UGT8: variants seen among roughly 807,000 people sequenced by gnomAD.
UGT8 encodes the protein UDP glycosyltransferase 8, also known as 2-hydroxyacylsphingosine 1-beta-galactosyltransferase.
UGT8 carries 12 observed loss-of-function variants against 40.5 expected under a neutral mutation model. The ratio of observed to expected loss-of-function variants is 0.30; its 90% CI spans 0.19 to 0.48. The LOEUF is 0.48. Among genes scored for constraint, UGT8 ranks in the 20% least tolerant of loss-of-function variants. The pLI is 0.99. For missense variants in UGT8, 513 were observed against 648.7 expected (o/e 0.79, Z 2.27); for synonymous variants, 224 against 240.4 (o/e 0.93, Z 0.63).
chr4:114,628,076 G>A (rs1448552564), intron 2 of UGT8, among the ~76,000 whole-genome samples: 1 of 152,044 alleles, frequency 6.6e-6, no homozygotes, highest in African/African-American at 2.4e-5. Context: ...TTCTAAATTT[G>A]TGTCTGTATA....
chr4:114,610,028 A>G (rs939426073), intron 1 of UGT8, among the ~76,000 whole-genome samples: 1 of 152,236 alleles, frequency 6.6e-6, no homozygotes, highest in Non-Finnish European at 1.5e-5. Context: ...AAAGTTTAAT[A>G]AAGTCATGAC....
At chr4:114,634,583 A>G (rs185516601) in intron 2 of UGT8, among the ~76,000 whole-genome samples, 29 of 152,322 alleles carry the variant, frequency 1.9e-4, no homozygotes, top group Admixed American at 1.8e-3. Flanking sequence ...GGGTATGTAT[A>G]CCTGTGGTCC....
chr4:114,658,326 C>A (rs1047709543), intron 2 of UGT8, among the ~76,000 whole-genome samples: 2 of 152,192 alleles, frequency 1.3e-5, no homozygotes, highest in African/African-American at 4.8e-5. Context: ...AGGATTCTCT[C>A]ACAGTCCAGG....
At chr4:114,646,761 A>T (rs1205995962) in intron 2 of UGT8, among the ~76,000 whole-genome samples, 3 of 152,222 alleles carry the variant, frequency 2.0e-5, no homozygotes, top group Non-Finnish European at 4.4e-5. Context: ...CATGATTATG[A>T]TGTAGTGTTT....
chr4:114,676,956 A>G lies in UGT8; in HGVS notation c.*668A>G, dbSNP rs1735696509. 1.3e-5 allele frequency: 2 copies of G among 150,922 alleles called. No individual in the cohort carries two copies. The allele number at this position is 150,922 out of a possible 1,614,324, so 9.3% of individuals were successfully genotyped here. A position where few individuals can be genotyped will look rare whatever the true frequency, so the allele number is the denominator to read the frequency against. On this transcript the variant is annotated 3_prime_UTR_variant, in exon 6 of 6. Transcript: ENST00000310836. ...TATTGTTTTTCTTTTCTGATAGAGT[A>G]TGGCCACTTCTGGGGGAAAAACATG...
chr4:114,632,639 T>A (rs1732644814), intron 2 of UGT8, among the ~76,000 whole-genome samples: 1 of 152,196 alleles, frequency 6.6e-6, no homozygotes, highest in Admixed American at 6.5e-5. Flanking sequence ...TTAAAAAGAT[T>A]TGATTTGCAC....
intron 5 of UGT8, 104 bp downstream of exon 5, chr4:114,668,408 A>G (rs1735027287): frequency 2.0e-6 from 2 of 976,670 alleles, no homozygotes; most frequent in South Asian, 3.2e-5. Context: ...CAAATTATGG[A>G]AATATCCTTT....
intron 2 of UGT8, among the ~76,000 whole-genome samples, chr4:114,624,431 A>T (rs2126099681): frequency 6.6e-6 from 1 of 152,316 alleles, no homozygotes; most frequent in African/African-American, 2.4e-5. Context: ...ACACATACCT[A>T]TTGTTGTAGT....
At chr4:114,603,552 G>A (rs959677111) in intron 1 of UGT8, among the ~76,000 whole-genome samples, 1 of 151,922 alleles carries the variant, frequency 6.6e-6, no homozygotes, top group Admixed American at 6.6e-5. Flanking sequence ...GAGTTAGGAG[G>A]GTGTAACTTT....
chr4:114,664,742 C>G (rs1734746870), intron 3 of UGT8, among the ~76,000 whole-genome samples: 1 of 152,206 alleles, frequency 6.6e-6, no homozygotes, highest in African/African-American at 2.4e-5. Flanking sequence ...CAGCCCAATG[C>G]TGAAAAATCA....
chr4:114,664,760 A>G (rs1734748495), intron 3 of UGT8, among the ~76,000 whole-genome samples: 1 of 152,210 alleles, frequency 6.6e-6, no homozygotes, highest in South Asian at 2.1e-4. Flanking sequence ...TCAGACGTGA[A>G]CACTTTATTT....
At chr4:114,660,728 T>C (rs563655572) in intron 2 of UGT8, among the ~76,000 whole-genome samples, 8 of 151,592 alleles carry the variant, frequency 5.3e-5, no homozygotes, top group Non-Finnish European at 1.2e-4. Context: ...CCATCTCTAG[T>C]AAAAATACAA....
intron 2 of UGT8, among the ~76,000 whole-genome samples, chr4:114,661,146 T>C (rs1161738147): frequency 6.6e-6 from 1 of 152,180 alleles, no homozygotes; most frequent in Non-Finnish European, 1.5e-5. Context: ...TTATGAATTT[T>C]GTTGCTATTA....
intron 1 of UGT8, among the ~76,000 whole-genome samples, chr4:114,607,173 G>T (rs1264996004): frequency 6.6e-6 from 1 of 152,106 alleles, no homozygotes; most frequent in Non-Finnish European, 1.5e-5. Flanking sequence ...GCATTTTACA[G>T]CTCATAACTT....
intron 2 of UGT8, among the ~76,000 whole-genome samples, chr4:114,632,819 A>T (rs1358812937): frequency 6.6e-6 from 1 of 152,218 alleles, no homozygotes; most frequent in Non-Finnish European, 1.5e-5. Context: ...ATATGTTTTG[A>T]ATTAACGTAA....
chr4:114,614,048 A>G (rs553974625), intron 1 of UGT8, among the ~76,000 whole-genome samples: 10 of 152,218 alleles, frequency 6.6e-5, no homozygotes, highest in African/African-American at 2.4e-4. Flanking sequence ...CTTCCTGCTT[A>G]ATGTTTTCAG....
At chr4:114,619,623 A>G (rs937227998) in intron 1 of UGT8, 1 of 152,046 alleles carries the variant, frequency 6.6e-6, no homozygotes, top group African/African-American at 2.4e-5. Context: ...TCAACATTTA[A>G]TCTTGAATAT....
intron 5 of UGT8, among the ~76,000 whole-genome samples, chr4:114,674,989 G>A (rs1408153706): frequency 2.0e-5 from 3 of 152,042 alleles, no homozygotes; most frequent in African/African-American, 7.2e-5. Flanking sequence ...ATTTTCCTTG[G>A]TCTTTTAATC....
chr4:114,640,681 A>C (rs995540098), intron 2 of UGT8, among the ~76,000 whole-genome samples: 2 of 152,164 alleles, frequency 1.3e-5, no homozygotes, highest in Admixed American at 6.5e-5. Flanking sequence ...AACTTCCACC[A>C]TGGTGGAAGG....
Sources: allele counts gnomAD v4.1 joint callset (sites outside exome capture counted in the v4.1 genomes callset), GRCh38; gene constraint gnomAD v4.1.1; transcripts MANE v1.5; gene names NCBI Gene and HGNC (gene_info 2026-07-23, HGNC 2026-07-21).